MUC5AC: variants seen among roughly 807,000 people sequenced by gnomAD.
MUC5AC encodes the protein mucin 5AC, oligomeric mucus/gel-forming.
A neutral mutation model predicts 169.7 loss-of-function variants in MUC5AC; 158 were observed. The ratio of observed to expected loss-of-function variants is 0.93; its 90% CI spans 0.82 to 1.06. The LOEUF is 1.06. Among genes scored for constraint, MUC5AC ranks in the 50% least tolerant of loss-of-function variants. The pLI is 0.00. For synonymous variants in MUC5AC, 1,975 were observed against 1,237.0 expected (o/e 1.60, Z -12.52); for missense variants, 4,359 against 3,089.9 (o/e 1.41, Z -9.74).
At position 1,192,219 on chromosome 11, in the gene MUC5AC, G is replaced by A. The variant is rs757739357; in HGVS notation, c.14074G>A (p.Val4692Met). 6.9e-5 allele frequency: 53 copies of A among 765,022 alleles called. No individual in the cohort carries two copies. Among genetic ancestry groups the A allele is most frequent in the South Asian group, 4.6e-4 (34 of 74,624 alleles). The allele number at this position is 765,022 out of a possible 1,614,324, so 47.4% of individuals were successfully genotyped here. Residue 4692 changes from valine (V) to methionine (M), a missense_variant, in exon 31 of 49, where the codon GTG becomes ATG. By Grantham distance (21) the Val-to-Met change is conservative (BLOSUM62 1). Transcript: ENST00000621226. The part of the protein sequence containing the change: ...PEVNIEHLGQ[V>M]VQCSREEGLV... ...GGTGAACATTGAACACCTGGGTCAGGTGGTGCAGTGCAGCCGTGAAGAGGG... is the reference window on the plus strand; with the variant it reads ...GGTGAACATTGAACACCTGGGTCAGATGGTGCAGTGCAGCCGTGAAGAGGG...
At position 1,196,901 on chromosome 11, in the gene MUC5AC, C is replaced by T. The variant is rs778184940; in HGVS notation, c.15854C>T (p.Pro5285Leu). 1.4e-5 allele frequency: 11 copies of T among 763,266 alleles called. No individual in the cohort carries two copies. Among genetic ancestry groups the T allele is most frequent in the African/African-American group, 5.1e-5 (3 of 59,090 alleles). The allele number at this position is 763,266 out of a possible 1,614,324, so 47.3% of individuals were successfully genotyped here. ...CPRCLGPHGE[P>L]VKVGHTVGMD... ...GGGTGTCTGGGGCCCCACGGAGAGCCGGTGAAGGTGAGTGGAAGGCATGGC... is the reference window on the plus strand; with the variant it reads ...GGGTGTCTGGGGCCCCACGGAGAGCTGGTGAAGGTGAGTGGAAGGCATGGC... Residue 5285 changes from proline (P) to leucine (L), a missense_variant, in exon 40 of 49, where the codon CCG (proline) becomes CTG (leucine). Coordinates refer to ENST00000621226, the MANE Select transcript of MUC5AC (RefSeq NM_001304359.2).
At chr11:1,162,416 C>A in intron 4 of MUC5AC, 116 bp from the exon 5 acceptor site, 2 of 1,080,780 alleles carry the variant, frequency 1.9e-6, no homozygotes, top group Non-Finnish European at 2.7e-6. Flanking sequence ...GTCCCCATCC[C>A]AGACGCGACT....
intron 36 of MUC5AC, 129 bp from the exon 37 acceptor site, chr11:1,195,747 C>A (rs931815470): frequency 6.1e-6 from 3 of 491,158 alleles, no homozygotes; most frequent in Non-Finnish European, 1.1e-5. Flanking sequence ...TACAGGAGGG[C>A]GGCCACACAC....
intron 22 of MUC5AC, 50 bp from the exon 23 acceptor site, chr11:1,177,181 G>C (rs924298155): frequency 1.3e-4 from 52 of 398,936 alleles, no homozygotes; most frequent in African/African-American, 9.4e-4. Flanking sequence ...TCCTCCTTGC[G>C]GGAAGGAGGG....
intron 40 of MUC5AC, among the ~76,000 whole-genome samples, 199 bp from the exon 41 acceptor site, chr11:1,197,269 C>G (rs55658025): frequency 0.018 from 2,708 of 152,314 alleles, 29 homozygotes; most frequent in Non-Finnish European, 0.029. Flanking sequence ...AGTCACCCCA[C>G]AGCCTGCCCA....
chr11:1,171,916 TACTC>T (rs1406100912), intron 15 of MUC5AC, among the ~76,000 whole-genome samples: 56 of 138,218 alleles, frequency 4.1e-4, no homozygotes, highest in African/African-American at 8.7e-4. Flanking sequence ...CCCACTCACC[TACTC>T]ACTCACTCAC....
Position 1,186,862 on chromosome 11 carries a change from C to A in MUC5AC, c.8717C>A (p.Thr2906Asn), listed in dbSNP as rs1375427634. Reference sequence around the variant, plus strand: ...ACCAGAACAACCTCTGCTCCTACAACCAGCACAACCTCTGCCCCTACAACC... The same window carrying A: ...ACCAGAACAACCTCTGCTCCTACAAACAGCACAACCTCTGCCCCTACAACC... ...PTTRTTSAPT[T>N]STTSAPTTST... The change falls in exon 31 of 49, where the codon ACC (threonine) becomes AAC (asparagine). Residue 2906 changes from threonine to asparagine, a missense_variant. Physicochemically the swap from Thr to Asn is moderately conservative, Grantham distance 65. Transcript: ENST00000621226. 2 of 735,208 alleles carry A rather than the reference C, an allele frequency of 2.7e-6. No homozygotes were observed. The highest frequency in any genetic ancestry group is 3.4e-5 in the African/African-American group (2 of 58,182). The allele number at this position is 735,208 out of a possible 1,614,324, so 45.5% of individuals were successfully genotyped here. A position where few individuals can be genotyped will look rare whatever the true frequency, so the allele number is the denominator to read the frequency against.
Position 1,184,302 on chromosome 11 carries a change from A to G in MUC5AC, c.6157A>G (p.Ile2053Val). The change falls in exon 31 of 49, where the codon ATC becomes GTC. Residue 2053 changes from isoleucine (I) to valine (V), a missense_variant. Coordinates refer to ENST00000621226, the MANE Select transcript of MUC5AC (RefSeq NM_001304359.2). ...CGAGACGGTGAACGTGTGCAGAGAC[A>G]TCACCAGACCGCCAAAGACCGTCGC... The part of the protein sequence containing the change: ...CCETVNVCRD[I>V]TRPPKTVATT... 1 of 470,194 alleles carries G rather than the reference A, an allele frequency of 2.1e-6. No individual in the cohort carries two copies. Among genetic ancestry groups the G allele is most frequent in the African/African-American group, 2.0e-5 (1 of 50,910 alleles). The allele number at this position is 470,194 out of a possible 1,614,324, so 29.1% of individuals were successfully genotyped here.
Position 1,184,338 on chromosome 11 carries a change from C to A in MUC5AC, c.6193C>A (p.Pro2065Thr). The A allele has an allele frequency of 2.1e-6, 1 of 478,606 alleles. No homozygotes were observed. Among genetic ancestry groups the A allele is most frequent in the Non-Finnish European group, 3.7e-6 (1 of 273,752 alleles). 29.6% of individuals were successfully genotyped at this position (478,606 alleles called of 1,614,324 possible). ...GCCAAAGACCGTCGCAACGACACGGCCGACTCCACATCCAACCGGAGCTCA... is the reference window on the plus strand; with the variant it reads ...GCCAAAGACCGTCGCAACGACACGGACGACTCCACATCCAACCGGAGCTCA... ...RPPKTVATTRPTPHPTGAQTQ... is the reference protein window; with the variant it reads ...RPPKTVATTRTTPHPTGAQTQ... Residue 2065 changes from proline (P) to threonine (T), a missense_variant, in exon 31 of 49, where the codon CCG becomes ACG. Coordinates refer to ENST00000621226, the MANE Select transcript of MUC5AC (RefSeq NM_001304359.2).
Position 1,185,362 on chromosome 11 carries a change from C to T in MUC5AC, c.7217C>T (p.Ser2406Phe). 1 of 721,122 alleles carries T rather than the reference C, an allele frequency of 1.4e-6. No homozygotes were observed. The highest frequency in any genetic ancestry group is 1.4e-5 in the South Asian group (1 of 69,712). The allele number at this position is 721,122 out of a possible 1,614,324, so 44.7% of individuals were successfully genotyped here. A position where few individuals can be genotyped will look rare whatever the true frequency, so the allele number is the denominator to read the frequency against. Residue 2406 changes from serine to phenylalanine, a missense_variant, in exon 31 of 49, where the codon TCT (serine) becomes TTT (phenylalanine). Ser to Phe is a radical substitution (Grantham distance 155, BLOSUM62 -2). Coordinates refer to ENST00000621226, the MANE Select transcript of MUC5AC (RefSeq NM_001304359.2). ...CCTGTTCCTACCACCAGCACAACCT[C>T]TGCCACTACAACCAGCACAACCTCA... ...PSPVPTTSTT[S>F]ATTTSTTSAP... is the part of the protein sequence containing the mutation.
In MUC5AC at chr11:1,189,281, A is replaced by C; in HGVS notation, c.11136A>C (p.Thr3712=). ...TSTTSAPTTS[T]TSTPQTTTSS... ...CAACTTCTGCCCCTACAACCAGCAC[A>C]ACCTCCACTCCACAGACCACCACAT... is the stretch of plus-strand genomic sequence containing the variant. The change falls in exon 31 of 49, where the codon ACA becomes ACC. Residue 3712 remains threonine, a synonymous_variant. Coordinates refer to ENST00000621226, the MANE Select transcript of MUC5AC (RefSeq NM_001304359.2). 1.7e-6 allele frequency: 1 copy of C among 587,144 alleles called. No individual in the cohort carries two copies. Among genetic ancestry groups the C allele is most frequent in the Non-Finnish European group, 3.0e-6 (1 of 330,310 alleles). The allele number at this position is 587,144 out of a possible 1,614,324, so 36.4% of individuals were successfully genotyped here.
rs1002378374 is a variant in MUC5AC, at chr11:1,179,247, C to T, written c.3483C>T (p.Cys1161=). 3.5e-6 allele frequency: 2 copies of T among 579,572 alleles called. No homozygotes were observed. The highest frequency in any genetic ancestry group is 6.3e-6 in the Non-Finnish European group (2 of 319,766). The allele number at this position is 579,572 out of a possible 1,614,324, so 35.9% of individuals were successfully genotyped here. The change falls in exon 26 of 49, where the codon TGC becomes TGT. Residue 1161 remains cysteine (C), a splice_region_variant and synonymous_variant. Coordinates refer to ENST00000621226, the MANE Select transcript of MUC5AC (RefSeq NM_001304359.2). ...TGTCCTGGCGGACCCCGAGCATCTG[C>T]CGTGAGTGCGAGTGGGCACCTGGGG... ...LCVSWRTPSI[C]PLFCDYYNPE...
rs1861359387 is a variant in MUC5AC, at chr11:1,199,148, T to C, written c.16358T>C (p.Val5453Ala). 2.6e-6 allele frequency: 2 copies of C among 764,686 alleles called. No individual in the cohort carries two copies. The highest frequency in any genetic ancestry group is 4.8e-6 in the Non-Finnish European group (2 of 417,722). 47.4% of individuals were successfully genotyped at this position (764,686 alleles called of 1,614,324 possible). The change falls in exon 45 of 49, where the codon GTC becomes GCC. Residue 5453 changes from valine to alanine, a missense_variant. Transcript: ENST00000621226. The part of the protein sequence containing the change: ...CCGTCVQVAC[V>A]TNTSKSPAHL... ...GGCACCTGTGTGCAGGTCGCCTGTG[T>C]CACCAACACCAGCAAGAGCCCCGCC...
intron 32 of MUC5AC, among the ~76,000 whole-genome samples, chr11:1,193,258 C>T (rs1240519095): frequency 3.9e-5 from 6 of 152,206 alleles, no homozygotes; most frequent in Non-Finnish European, 5.9e-5. Context: ...GGCTGCACAG[C>T]CAGGGAGTGT....
chr11:1,174,758 T>G, intron 17 of MUC5AC, 124 bp from the exon 18 acceptor site: 1 of 477,814 alleles, frequency 2.1e-6, no homozygotes. Flanking sequence ...CCCAGGTCAG[T>G]GTGGCCTTGG....
rs1238279147 is a variant in MUC5AC at position 1,176,521 on chromosome 11, C to A, written c.2510C>A (p.Pro837His). 1 of 399,546 alleles carries A rather than the reference C, an allele frequency of 2.5e-6. No individual in the cohort carries two copies. Among genetic ancestry groups the A allele is most frequent in the Non-Finnish European group, 4.4e-6 (1 of 226,852 alleles). 24.8% of individuals were successfully genotyped at this position (399,546 alleles called of 1,614,324 possible). A position where few individuals can be genotyped will look rare whatever the true frequency, so the allele number is the denominator to read the frequency against. ...CHTLDMTCYS[P>H]QCVPGCVCPD... is the part of the protein sequence containing the mutation. ...TGTCTGCTGGCCCTGCAGTACAGCC[C>A]CCAGTGTGTGCCTGGCTGCGTGTGC... The change falls in exon 21 of 49, where the codon CCC becomes CAC. Residue 837 changes from proline to histidine, a missense_variant. Pro to His is a moderately conservative substitution (Grantham distance 77). Transcript: ENST00000621226.
chr11:1,194,894 G>A (rs1861221657), intron 35 of MUC5AC, 118 bp from the exon 36 acceptor site: 6 of 627,640 alleles, frequency 9.6e-6, no homozygotes, highest in South Asian at 5.3e-5. Context: ...GGCACAGGCA[G>A]GGCCCGCTGC....
intron 16 of MUC5AC, among the ~76,000 whole-genome samples, chr11:1,174,279 C>A (rs1299275470): frequency 6.6e-6 from 1 of 152,232 alleles, no homozygotes; most frequent in Non-Finnish European, 1.5e-5. Context: ...CTGGTTCTCC[C>A]AGTAACCCCT....
At chr11:1,178,363 G>C in intron 24 of MUC5AC, 81 bp from the exon 25 acceptor site, 1 of 401,308 alleles carries the variant, frequency 2.5e-6, no homozygotes, top group Non-Finnish European at 4.4e-6. Context: ...CCCTGGGTGG[G>C]AGGAGGCGGC....
Sources: allele counts gnomAD v4.1 joint callset (sites outside exome capture counted in the v4.1 genomes callset), GRCh38; gene constraint gnomAD v4.1.1; transcripts MANE v1.5; gene names NCBI Gene and HGNC (gene_info 2026-07-23, HGNC 2026-07-21).